DAB1: variants seen among roughly 807,000 people sequenced by gnomAD.
DAB1 encodes the protein DAB adaptor protein 1, also known as disabled homolog 1.
In DAB1, 15 loss-of-function variants were observed where a neutral mutation model predicts 64.6. The ratio of observed to expected loss-of-function variants is 0.23; its 90% confidence interval spans 0.16 to 0.36. The LOEUF (loss-of-function observed/expected upper bound fraction) is 0.36. Among genes scored for constraint, DAB1 ranks in the 10% least tolerant of loss-of-function variants. The pLI is 1.00. For missense variants in DAB1, 596 were observed against 706.7 expected (o/e 0.84, Z 1.78); for synonymous variants, 235 against 251.9 (o/e 0.93, Z 0.64).
chr1:57,910,448 A>C (rs946387615), intron 5 of DAB1, among the ~76,000 whole-genome samples: 5 of 152,144 alleles, frequency 3.3e-5, no homozygotes, highest in Admixed American at 2.6e-4. Flanking sequence ...GTTCCACAGC[A>C]CCGCTCTGGC....
chr1:57,338,716 T>TA (rs1323483984), intron 1 of DAB1, among the ~76,000 whole-genome samples: 1 of 152,204 alleles, frequency 6.6e-6, no homozygotes, highest in Non-Finnish European at 1.5e-5. Flanking sequence ...CAGGATGTGA[T>TA]AATGGAAAAA....
intron 5 of DAB1, among the ~76,000 whole-genome samples, chr1:57,912,361 C>T (rs1644658412): frequency 6.6e-6 from 1 of 152,120 alleles, no homozygotes; most frequent in East Asian, 1.9e-4. Flanking sequence ...AAAAGGCTTA[C>T]CTTACGCAGG....
chr1:57,530,140 T>C (rs1644644484), intron 7 of DAB1, among the ~76,000 whole-genome samples: 1 of 152,180 alleles, frequency 6.6e-6, no homozygotes, highest in Non-Finnish European at 1.5e-5. Flanking sequence ...AATACTTTGA[T>C]GCAAATTTTT....
At chr1:57,909,165 G>C (rs1644602839) in intron 5 of DAB1, among the ~76,000 whole-genome samples, 1 of 152,116 alleles carries the variant, frequency 6.6e-6, no homozygotes, top group African/African-American at 2.4e-5. Context: ...GCTTGTTAAG[G>C]GTTGTGGGTT....
At chr1:58,510,483 TA>T (rs2100425914) in intron 2 of DAB1, among the ~76,000 whole-genome samples, 1 of 152,162 alleles carries the variant, frequency 6.6e-6, no homozygotes, top group South Asian at 2.1e-4. Context: ...TCGACATAAT[TA>T]TAGCTATATA....
intron 4 of DAB1, among the ~76,000 whole-genome samples, chr1:58,187,599 G>A (rs1657150716): frequency 1.3e-5 from 2 of 149,592 alleles, no homozygotes; most frequent in African/African-American, 4.9e-5. Flanking sequence ...TAATTTTTGA[G>A]AAAGAGTTGC....
intron 3 of DAB1, among the ~76,000 whole-genome samples, chr1:58,453,833 G>C (rs1645164160): frequency 6.6e-6 from 1 of 151,472 alleles, no homozygotes; most frequent in Non-Finnish European, 1.5e-5. Context: ...GAACCTGTGA[G>C]AGAAAACTGA....
At chr1:57,559,528 G>A (rs116069037) in intron 7 of DAB1, among the ~76,000 whole-genome samples, 3,174 of 152,242 alleles carry the variant, frequency 0.021, 128 homozygotes, top group African/African-American at 0.073. Context: ...ATTGGACACC[G>A]GCTCTTAGCT....
intron 5 of DAB1, among the ~76,000 whole-genome samples, chr1:57,973,120 T>C (rs780911146): frequency 1.3e-5 from 2 of 152,156 alleles, no homozygotes; most frequent in Non-Finnish European, 2.9e-5. Context: ...GGTATCCTAA[T>C]CAGAGAGAGT....
At chr1:57,447,508 T>A (rs1686186504) in intron 7 of DAB1, among the ~76,000 whole-genome samples, 1 of 152,216 alleles carries the variant, frequency 6.6e-6, no homozygotes, top group Non-Finnish European at 1.5e-5. Context: ...ACTCCCTCAA[T>A]ATACTTCATT....
At chr1:58,465,093 A>C (rs1353758230) in intron 3 of DAB1, among the ~76,000 whole-genome samples, 2 of 152,222 alleles carry the variant, frequency 1.3e-5, no homozygotes, top group African/African-American at 4.8e-5. Context: ...GTTGCTGTTA[A>C]CCAATACAGT....
intron 2 of DAB1, among the ~76,000 whole-genome samples, chr1:58,522,530 A>G (rs540247235): frequency 3.9e-5 from 6 of 152,280 alleles, no homozygotes; most frequent in Non-Finnish European, 8.8e-5. Context: ...CCCATCACCA[A>G]CTTTGTACTA....
At chr1:57,675,806 C>T (rs1362502934) in intron 6 of DAB1, among the ~76,000 whole-genome samples, 1 of 152,116 alleles carries the variant, frequency 6.6e-6, no homozygotes, top group Non-Finnish European at 1.5e-5. Flanking sequence ...TGGTCAAGCC[C>T]ATCAGCACAA....
At chr1:57,906,418 A>G (rs1035211002) in intron 5 of DAB1, among the ~76,000 whole-genome samples, 1 of 152,210 alleles carries the variant, frequency 6.6e-6, no homozygotes, top group African/African-American at 2.4e-5. Context: ...AGAACATGAT[A>G]GAACCACTAC....
At chr1:57,103,829 G>A (rs537973057) in intron 4 of DAB1, among the ~76,000 whole-genome samples, 3 of 152,136 alleles carry the variant, frequency 2.0e-5, no homozygotes, top group African/African-American at 4.8e-5. Context: ...AGGACTAAGC[G>A]GGGAACCCAG....
At chr1:57,875,375 T>A (rs1234697148) in intron 1 of DAB1, among the ~76,000 whole-genome samples, 1 of 152,176 alleles carries the variant, frequency 6.6e-6, no homozygotes, top group African/African-American at 2.4e-5. Flanking sequence ...TTCAGCTTAA[T>A]CAATTTCTAC....
At chr1:57,912,720 A>C (rs1306367361) in intron 5 of DAB1, among the ~76,000 whole-genome samples, 2 of 152,210 alleles carry the variant, frequency 1.3e-5, no homozygotes, top group African/African-American at 4.8e-5. Context: ...AAATCTCCTT[A>C]AGCTGATAAG....
chr1:57,851,994 T>A (rs1237893378), intron 1 of DAB1, among the ~76,000 whole-genome samples: 1 of 152,208 alleles, frequency 6.6e-6, no homozygotes, highest in Non-Finnish European at 1.5e-5. Flanking sequence ...CATAGTGCCT[T>A]GGCGTGCTGA....
At chr1:57,452,868 G>A (rs1686439353) in intron 7 of DAB1, among the ~76,000 whole-genome samples, 1 of 151,602 alleles carries the variant, frequency 6.6e-6, no homozygotes, top group Admixed American at 6.6e-5. Flanking sequence ...AAGGAGGAAG[G>A]AAAGAAGAGA....
Sources: allele counts gnomAD v4.1 joint callset (sites outside exome capture counted in the v4.1 genomes callset), GRCh38; gene constraint gnomAD v4.1.1; transcripts MANE v1.5; gene names NCBI Gene and HGNC (gene_info 2026-07-23, HGNC 2026-07-21).